Variants in CD99L2 observed in about 807,000 individuals in gnomAD.
CD99L2 encodes CD99 molecule like 2, also known as CD99 antigen-like protein 2.
CD99L2 carries 24 observed loss-of-function variants against 27.3 expected under a neutral mutation model. That is an observed-to-expected ratio of 0.88 (90% CI 0.64 to 1.24). The LOEUF (loss-of-function observed/expected upper bound fraction) is 1.24. CD99L2 is among the 50% of genes most tolerant of loss of function. The pLI, the probability that CD99L2 is intolerant of heterozygous loss-of-function variation, is 0.00. For missense variants in CD99L2, 255 were observed against 221.6 expected, an observed-to-expected ratio of 1.15 and a Z score of -0.96; for synonymous variants, 97 against 87.9, an observed-to-expected ratio of 1.10 and a Z score of -0.58.
At chrX:150,840,306 T>C (rs948522606) in intron 1 of CD99L2, among the ~76,000 whole-genome samples, 13 of 111,755 alleles carry the variant, frequency 1.2e-4, no homozygotes, top group African/African-American at 4.2e-4. Flanking sequence ...AATTCTGAAA[T>C]GGTTCAGGAA....
At chrX:150,791,182 C>T (rs2045681770) in intron 7 of CD99L2, among the ~76,000 whole-genome samples, 1 of 112,045 alleles carries the variant, frequency 8.9e-6, no homozygotes, top group Admixed American at 9.4e-5. Context: ...TTAATTATCA[C>T]CCAGTCTGTG....
chrX:150,881,019 A>G (rs58499833), intron 1 of CD99L2, among the ~76,000 whole-genome samples: 27,813 of 110,282 alleles, frequency 0.25, 2,569 homozygotes, highest in Middle Eastern at 0.36. Context: ...CTGCTTCCTG[A>G]GGCTGTCCTC....
At chrX:150,877,959 TACAC>T (rs72172934) in intron 1 of CD99L2, among the ~76,000 whole-genome samples, 4,452 of 82,826 alleles carry the variant, frequency 0.054, 96 homozygotes, top group African/African-American at 0.062. Flanking sequence ...CTCAAACACA[TACAC>T]ACACACACAC....
intron 1 of CD99L2, among the ~76,000 whole-genome samples, chrX:150,883,747 T>C (rs782597555): frequency 9.1e-6 from 1 of 110,332 alleles, no homozygotes; most frequent in South Asian, 3.8e-4. Context: ...CACGAGGAAA[T>C]AAAGAATCAT....
At chrX:150,793,634 C>G (rs1342299232) in intron 7 of CD99L2, 57 bp downstream of exon 7, 2 of 998,006 alleles carry the variant, frequency 2.0e-6, no homozygotes, top group Non-Finnish European at 2.7e-6. Flanking sequence ...CTGGTTGCTG[C>G]ATAATCACCT....
intron 7 of CD99L2, among the ~76,000 whole-genome samples, chrX:150,783,766 G>T (rs1462663704): frequency 1.8e-5 from 2 of 112,140 alleles, no homozygotes; most frequent in African/African-American, 6.5e-5. Context: ...CCAAAAAAAG[G>T]AATCAGTACA....
intron 1 of CD99L2, among the ~76,000 whole-genome samples, chrX:150,885,377 C>A (rs781841973): frequency 6.9e-4 from 75 of 108,765 alleles, no homozygotes; most frequent in African/African-American, 1.8e-3. Context: ...ACAACAACAA[C>A]AAAAAAACAA....
intron 1 of CD99L2, among the ~76,000 whole-genome samples, chrX:150,851,519 A>T (rs188649724): frequency 2.4e-3 from 270 of 112,170 alleles, no homozygotes; most frequent in Middle Eastern, 4.6e-3. Flanking sequence ...TCTAAAAGTA[A>T]AGTGCTATGA....
At chrX:150,825,570 T>C (rs782300474) in intron 2 of CD99L2, among the ~76,000 whole-genome samples, 28 of 112,574 alleles carry the variant, frequency 2.5e-4, no homozygotes, top group Non-Finnish European at 4.3e-4. Context: ...CAAGCTTGTA[T>C]TGATGTAGAA....
chrX:150,889,983 TCTA>T (rs781879650), intron 1 of CD99L2, among the ~76,000 whole-genome samples: 30 of 108,987 alleles, frequency 2.8e-4, no homozygotes, highest in African/African-American at 1.0e-3. Context: ...AAACCCCGTC[TCTA>T]CTAAAAATAC....
chrX:150,884,891 T>C (rs979737997), intron 1 of CD99L2, among the ~76,000 whole-genome samples: 3 of 111,702 alleles, frequency 2.7e-5, no homozygotes, highest in African/African-American at 9.8e-5. Context: ...AATAAGAGAA[T>C]GAATTAAAAA....
At chrX:150,838,414 A>C (rs2124259359) in intron 1 of CD99L2, among the ~76,000 whole-genome samples, 1 of 112,007 alleles carries the variant, frequency 8.9e-6, no homozygotes, top group Non-Finnish European at 1.9e-5. Flanking sequence ...CAAATGCATC[A>C]TGCTAATATA....
intron 7 of CD99L2, among the ~76,000 whole-genome samples, chrX:150,778,673 TAAAAAAAA>T (rs1195688468): frequency 1.5e-5 from 1 of 67,929 alleles, no homozygotes; most frequent in African/African-American, 4.9e-5. Flanking sequence ...TAAAGTATAA[TAAAAAAAA>T]AAAAATATAT....
chrX:150,837,757 G>A (rs1387225500), intron 1 of CD99L2, among the ~76,000 whole-genome samples: 2 of 112,205 alleles, frequency 1.8e-5, no homozygotes, highest in Non-Finnish European at 3.8e-5. Context: ...CATGCTGAAT[G>A]AATAAGTGAT....
At chrX:150,825,177 A>G (rs1557420903) in intron 2 of CD99L2, among the ~76,000 whole-genome samples, 1 of 112,189 alleles carries the variant, frequency 8.9e-6, no homozygotes, top group Non-Finnish European at 1.9e-5. Context: ...ATAGATAGGT[A>G]AAAAAGAGAA....
chrX:150,824,562 A>AAGG (rs372923813), intron 2 of CD99L2, among the ~76,000 whole-genome samples: 9,293 of 86,066 alleles, frequency 0.11, 586 homozygotes, highest in Middle Eastern at 0.19. Flanking sequence ...AAGAAGAAAG[A>AAGG]AGGAGGAGGA....
Position 150,863,316 on chromosome X carries a change from A to G in CD99L2, c.68-32023T>C, listed in dbSNP as rs2047008496. The stretch of plus-strand genomic sequence containing the variant: ...CCATAGGGAGGGGCTTCCAGTAGGG[A>G]TCAACTCTGTCCACAAGGAACTTAA... On this transcript the variant is annotated intron_variant, in intron 1 of 10. Transcript: ENST00000370377. 7.1e-5 allele frequency among the ~76,000 whole-genome samples: 8 copies of G among 112,353 alleles called. No homozygotes were observed. In the South Asian group the frequency reaches 3.0e-3, roughly 42 times the overall value.
At chrX:150,778,691 T>A (rs199919683) in intron 7 of CD99L2, among the ~76,000 whole-genome samples, 88 of 23,132 alleles carry the variant, frequency 3.8e-3, no homozygotes, top group South Asian at 0.015. Context: ...AAAAAATATA[T>A]ATATATATAT....
At chrX:150,829,587 G>C (rs1557421008) in intron 2 of CD99L2, 1 of 316,255 alleles carries the variant, frequency 3.2e-6, no homozygotes, top group East Asian at 1.0e-4. Context: ...TCTAGTTTGT[G>C]GTACATTCCT....
Sources: allele counts gnomAD v4.1 joint callset (sites outside exome capture counted in the v4.1 genomes callset), GRCh38; gene constraint gnomAD v4.1.1; transcripts MANE v1.5; gene names NCBI Gene and HGNC (gene_info 2026-07-23, HGNC 2026-07-21).